Variants in SCIN observed in about 807,000 individuals in gnomAD.
SCIN encodes scinderin.
Under a neutral mutation model 91.8 loss-of-function variants are expected in SCIN, and 91 were observed. The observed-to-expected ratio is 0.99, with a 90% CI of 0.84 to 1.18. SCIN has a LOEUF of 1.18. Among genes scored for constraint, SCIN ranks in the 50% most tolerant of loss-of-function variants. The probability of loss-of-function intolerance (pLI) is 0.00; values close to 1 mark genes in which losing one functional copy is unlikely to be tolerated. For synonymous variants in SCIN, 367 were observed against 312.6 expected (o/e 1.17, Z -1.84); for missense variants, 1,087 against 863.9 (o/e 1.26, Z -3.24).
At chr7:12,633,901 C>T (rs112857479) in intron 9 of SCIN, among the ~76,000 whole-genome samples, 51 of 151,616 alleles carry the variant, frequency 3.4e-4, no homozygotes, top group African/African-American at 1.1e-3. Flanking sequence ...TAAAACACTA[C>T]GTTTTTAGTA....
intron 3 of SCIN, among the ~76,000 whole-genome samples, chr7:12,586,186 A>G (rs1488970660): frequency 6.6e-6 from 1 of 152,226 alleles, no homozygotes; most frequent in Non-Finnish European, 1.5e-5. Flanking sequence ...TATATGGCTC[A>G]TGCAGCCACA....
At chr7:12,625,635 G>C (rs1783505009) in intron 6 of SCIN, 127 bp from the exon 7 acceptor site, 1 of 721,474 alleles carries the variant, frequency 1.4e-6, no homozygotes, top group East Asian at 2.9e-5. Context: ...GGCCAATTTT[G>C]CTATTCTTTC....
At chr7:12,623,081 T>C (rs373124306) in intron 5 of SCIN, among the ~76,000 whole-genome samples, 188 bp downstream of exon 5, 1 of 152,156 alleles carries the variant, frequency 6.6e-6, no homozygotes, top group East Asian at 1.9e-4. Context: ...CTTTTTGTTA[T>C]TTTTATGAAA....
chr7:12,645,067 C>G (rs375133129), intron 13 of SCIN, among the ~76,000 whole-genome samples: 5 of 148,042 alleles, frequency 3.4e-5, no homozygotes, highest in East Asian at 4.0e-4. Flanking sequence ...TGCCTGTAAT[C>G]CCAGCACTTT....
chr7:12,605,288 A>G (rs1583294396), intron 4 of SCIN, among the ~76,000 whole-genome samples: 1 of 152,026 alleles, frequency 6.6e-6, no homozygotes, highest in East Asian at 1.9e-4. Flanking sequence ...TGACCTTGTG[A>G]TCCGCCCGCC....
At chr7:12,637,506 G>T (rs532417542) in intron 10 of SCIN, among the ~76,000 whole-genome samples, 14 of 151,856 alleles carry the variant, frequency 9.2e-5, no homozygotes, top group African/African-American at 3.4e-4. Context: ...GAAAGAAAAG[G>T]GATAGGAGGA....
chr7:12,625,245 T>G (rs1476946782), intron 6 of SCIN, 103 bp downstream of exon 6: 1 of 1,058,218 alleles, frequency 9.4e-7, no homozygotes, highest in Non-Finnish European at 1.3e-6. Context: ...GCCCACCTTT[T>G]AATTAAGACA....
At chr7:12,583,473 T>G (rs1267190231) in intron 3 of SCIN, among the ~76,000 whole-genome samples, 2 of 152,106 alleles carry the variant, frequency 1.3e-5, no homozygotes, top group Non-Finnish European at 2.9e-5. Context: ...GGTCCTGGGT[T>G]TTTCTATTCC....
intron 1 of SCIN, among the ~76,000 whole-genome samples, chr7:12,573,447 C>T (rs559683078): frequency 6.6e-6 from 1 of 152,090 alleles, no homozygotes; most frequent in Non-Finnish European, 1.5e-5. Flanking sequence ...CTTTCTTGGT[C>T]TCTCCCTCAG....
intron 1 of SCIN, chr7:12,577,564 A>G: frequency 2.2e-6 from 1 of 456,574 alleles, no homozygotes; most frequent in Non-Finnish European, 4.4e-6. Context: ...GCAGAAACAA[A>G]AACAGGCCGG....
intron 4 of SCIN, among the ~76,000 whole-genome samples, chr7:12,620,381 C>G (rs968493489): frequency 1.3e-5 from 2 of 152,128 alleles, no homozygotes; most frequent in African/African-American, 4.8e-5. Flanking sequence ...CTGGCAATCA[C>G]CATTCTACCA....
chr7:12,599,333 G>A (rs1278712852), intron 3 of SCIN, among the ~76,000 whole-genome samples: 2 of 151,924 alleles, frequency 1.3e-5, no homozygotes, highest in East Asian at 1.9e-4. Flanking sequence ...GATAGGAAGA[G>A]GAATTTTAGC....
rs992460117 is a variant in SCIN, at chr7:12,656,735, A to G, written c.*4020A>G. ...CCAGGAGTCCGAGACCAGCCTGACC[A>G]ACATAGTGAAACCCCGTCTCTACTA... On this transcript the variant is annotated 3_prime_UTR_variant, in exon 16 of 16. Transcript: ENST00000297029. 6.6e-6 allele frequency: 1 copy of G among 152,218 alleles called. No homozygotes were observed. Among genetic ancestry groups the G allele is most frequent in the Non-Finnish European group, 1.5e-5 (1 of 68,064 alleles). 9.4% of individuals were successfully genotyped at this position (152,218 alleles called of 1,614,324 possible). A position where few individuals can be genotyped will look rare whatever the true frequency, so the allele number is the denominator to read the frequency against.
intron 9 of SCIN, among the ~76,000 whole-genome samples, chr7:12,630,651 C>T (rs1783623550): frequency 6.6e-6 from 1 of 152,234 alleles, no homozygotes; most frequent in African/African-American, 2.4e-5. Context: ...AGCAACCATT[C>T]TGTGAGCAGC....
rs747554446 is a variant in SCIN, at chr7:12,581,026, GT to G, written c.355-28del. The stretch of plus-strand genomic sequence containing the variant: ...CAGACACCTCATCAGTTTTCTCTTT[GT>G]TTTTTGTGTGTCTGTCTTCCCTCAT... On this transcript the variant is annotated intron_variant, in intron 2 of 15. Coordinates refer to ENST00000297029, the MANE Select transcript of SCIN (RefSeq NM_001112706.3). 62 of 1,543,844 alleles carry G rather than the reference GT, an allele frequency of 4.0e-5. No homozygotes were observed. In the Middle Eastern group the frequency reaches 1.1e-3, roughly 26 times the overall value.
chr7:12,618,361 A>C (rs553008390), intron 4 of SCIN, among the ~76,000 whole-genome samples: 1 of 152,272 alleles, frequency 6.6e-6, no homozygotes, highest in African/African-American at 2.4e-5. Flanking sequence ...TCTCTTGCAG[A>C]AGCCCAGTTC....
chr7:12,586,573 C>T (rs1457011117), intron 3 of SCIN, among the ~76,000 whole-genome samples: 1 of 152,174 alleles, frequency 6.6e-6, no homozygotes, highest in African/African-American at 2.4e-5. Flanking sequence ...AGCAGTCCCA[C>T]TACTGGGTAT....
chr7:12,570,953 G>T lies in SCIN; in HGVS notation c.167G>T (p.Arg56Leu), dbSNP rs886789510. The change falls in exon 1 of 16, where the codon CGA becomes CTA. Residue 56 changes from arginine (R) to leucine (L), a missense_variant. Transcript: ENST00000297029. ...GTGCTGCACACGGCCAAGACGAGCC[G>T]AGGCTTCACCTACCACCTGCACTTC... is the stretch of plus-strand genomic sequence containing the variant. ...YLVLHTAKTS[R>L]GFTYHLHFWL... 10 of 1,551,372 alleles carry T rather than the reference G, an allele frequency of 6.4e-6. No homozygotes were observed. The highest frequency in any genetic ancestry group is 8.7e-6 in the Non-Finnish European group (10 of 1,146,872).
Position 12,658,772 on chromosome 7 carries a change from T to C in SCIN, c.*6057T>C, listed in dbSNP as rs1445994707. 1 of 152,194 alleles carries C rather than the reference T, an allele frequency of 6.6e-6. No homozygotes were observed. Among genetic ancestry groups the C allele is most frequent in the Non-Finnish European group, 1.5e-5 (1 of 68,030 alleles). The allele number at this position is 152,194 out of a possible 1,614,324, so 9.4% of individuals were successfully genotyped here. On this transcript the variant is annotated 3_prime_UTR_variant, in exon 16 of 16. Transcript: ENST00000297029. ...TATACATCCTATCATTTATTTTAGA[T>C]ACAGATAGCATTAGAGTTTATCAGT...
Sources: gnomAD v4.1 joint callset for allele counts (sites outside exome capture counted in the v4.1 genomes callset) on GRCh38, gnomAD v4.1.1 for gene constraint, MANE v1.5 for transcripts, NCBI Gene and HGNC (gene_info 2026-07-23, HGNC 2026-07-21) for gene names.